GFRA2: variants seen among roughly 807,000 people sequenced by gnomAD.
GFRA2 encodes the protein GDNF family receptor alpha-2.
GFRA2 carries 17 observed loss-of-function variants against 48.3 expected under a neutral mutation model. That is an observed-to-expected ratio of 0.35 (90% CI 0.24 to 0.53). The LOEUF is 0.53. GFRA2 is among the 20% of genes least tolerant of loss of function. The probability of loss-of-function intolerance (pLI) is 0.93; values close to 1 mark genes in which losing one functional copy is unlikely to be tolerated. For missense variants in GFRA2, 660 were observed against 637.3 expected (o/e 1.04, Z -0.38); for synonymous variants, 305 against 257.2 (o/e 1.19, Z -1.78).
chr8:21,780,493 G>A (rs1461766105), intron 2 of GFRA2, among the ~76,000 whole-genome samples: 8 of 151,922 alleles, frequency 5.3e-5, no homozygotes, highest in South Asian at 2.1e-4. Context: ...GTCTGTTACC[G>A]CCCTCCTCTC....
intron 3 of GFRA2, among the ~76,000 whole-genome samples, chr8:21,768,301 C>T (rs1806277376): frequency 6.6e-6 from 1 of 152,240 alleles, no homozygotes; most frequent in Non-Finnish European, 1.5e-5. Flanking sequence ...AAATAACATG[C>T]TTCTGCATTC....
chr8:21,730,211 C>G (rs1056867813), intron 4 of GFRA2, among the ~76,000 whole-genome samples: 3 of 152,086 alleles, frequency 2.0e-5, no homozygotes, highest in African/African-American at 7.2e-5. Context: ...TTGAGGCCAG[C>G]CTGGGCAACA....
intron 4 of GFRA2, among the ~76,000 whole-genome samples, chr8:21,749,611 G>A (rs1190077432): frequency 1.3e-5 from 2 of 152,008 alleles, no homozygotes; most frequent in East Asian, 1.9e-4. Context: ...TGATAGCCAC[G>A]TGACCTACGT....
intron 1 of GFRA2, among the ~76,000 whole-genome samples, chr8:21,784,846 C>T (rs1477548798): frequency 1.3e-5 from 2 of 152,200 alleles, no homozygotes; most frequent in African/African-American, 4.8e-5. Flanking sequence ...CAAGCTGAGG[C>T]AGCGTCTTTC....
chr8:21,700,253 A>G (rs1447807786), intron 7 of GFRA2, among the ~76,000 whole-genome samples: 1 of 79,590 alleles, frequency 1.3e-5, no homozygotes, highest in Admixed American at 1.1e-4. Flanking sequence ...TATATATTTA[A>G]TATACCAGAA....
At position 21,784,356 on chromosome 8, in the gene GFRA2, T is replaced by C. The variant is rs1426262963; in HGVS notation, c.41-1457A>G. 20 of 455,846 alleles carry C rather than the reference T, an allele frequency of 4.4e-5. No individual in the cohort carries two copies. The Middle Eastern group carries it at 1.3e-3, about 29-fold the overall frequency. The allele number at this position is 455,846 out of a possible 1,614,324, so 28.2% of individuals were successfully genotyped here. ...GCCCTTTCCTGGACCGAAAGAGTAA[T>C]TTGGGAGGCTTCCTCGACTCCATCT... On this transcript the variant is annotated intron_variant, in intron 1 of 8. Coordinates refer to ENST00000524240, the MANE Select transcript of GFRA2 (RefSeq NM_001495.5).
chr8:21,746,999 C>T (rs1177296654), intron 4 of GFRA2, among the ~76,000 whole-genome samples: 1 of 152,128 alleles, frequency 6.6e-6, no homozygotes, highest in Admixed American at 6.5e-5. Context: ...CCCAGCCACT[C>T]CTCTACCTGA....
chr8:21,708,663 A>G (rs1802867742), intron 4 of GFRA2, among the ~76,000 whole-genome samples: 1 of 152,130 alleles, frequency 6.6e-6, no homozygotes, highest in South Asian at 2.1e-4. Context: ...ATCAGAAGAG[A>G]AGAGATAGGC....
chr8:21,702,981 G>C lies in GFRA2; in HGVS notation c.1046-4C>G. 6.6e-7 allele frequency: 1 copy of C among 1,507,586 alleles called. No homozygotes were observed. The highest frequency in any genetic ancestry group is 8.8e-7 in the Non-Finnish European group (1 of 1,133,350). 93.4% of individuals were successfully genotyped at this position (1,507,586 alleles called of 1,614,324 possible). A position where few individuals can be genotyped will look rare whatever the true frequency, so the allele number is the denominator to read the frequency against. ...CCAAAGGCCTGGATGGCGTTCCCTG[G>C]GATGGGGGTGAGGGCAGATGCAGAG... On this transcript the variant is annotated splice_region_variant and splice_polypyrimidine_tract_variant and intron_variant, in intron 6 of 8. Coordinates refer to ENST00000524240, the MANE Select transcript of GFRA2 (RefSeq NM_001495.5).
At chr8:21,694,622 A>T in intron 7 of GFRA2, 105 bp from the exon 8 acceptor site, 1 of 1,016,314 alleles carries the variant, frequency 9.8e-7, no homozygotes, top group Non-Finnish European at 1.5e-6. Context: ...TGGCTCCGCT[A>T]AGCACAGCCA....
chr8:21,801,432 C>A (rs990277724), intron 2 of GFRA2, among the ~76,000 whole-genome samples: 26 of 152,266 alleles, frequency 1.7e-4, no homozygotes, highest in African/African-American at 6.3e-4. Flanking sequence ...GTCAACACAG[C>A]CCTGCTGCTG....
upstream of GFRA2, among the ~76,000 whole-genome samples, chr8:21,792,762 G>C (rs1807597763): frequency 1.3e-5 from 2 of 152,204 alleles, no homozygotes; most frequent in African/African-American, 2.4e-5. Context: ...CAAGAGCACA[G>C]TGATTAGAAA....
At chr8:21,740,093 C>T (rs1175577592) in intron 4 of GFRA2, among the ~76,000 whole-genome samples, 1 of 152,132 alleles carries the variant, frequency 6.6e-6, no homozygotes, top group African/African-American at 2.4e-5. Context: ...GTGGTGTGCT[C>T]CCCACACTAG....
chr8:21,780,085 C>G (rs1259089353), intron 2 of GFRA2, among the ~76,000 whole-genome samples: 1 of 149,602 alleles, frequency 6.7e-6, no homozygotes, highest in South Asian at 2.1e-4. Flanking sequence ...ATCCTTTGTT[C>G]TCTCCTCTTT....
chr8:21,739,712 A>C (rs1804657073), intron 4 of GFRA2, among the ~76,000 whole-genome samples: 1 of 151,762 alleles, frequency 6.6e-6, no homozygotes, highest in South Asian at 2.1e-4. Context: ...TGCCACGGGA[A>C]AGGCCACATC....
At chr8:21,805,718 G>A (rs1249548364) in intron 1 of GFRA2, among the ~76,000 whole-genome samples, 1 of 152,076 alleles carries the variant, frequency 6.6e-6, no homozygotes, top group East Asian at 1.9e-4. Flanking sequence ...CCACTAAACT[G>A]CAGCTGCCAC....
chr8:21,789,591 T>TC (rs1385361193), upstream of GFRA2, among the ~76,000 whole-genome samples: 2 of 151,998 alleles, frequency 1.3e-5, no homozygotes, highest in African/African-American at 2.4e-5. Flanking sequence ...AAAGGAATTA[T>TC]CCCCTTCGGC....
At chr8:21,786,645 G>C (rs1188860413) in intron 1 of GFRA2, among the ~76,000 whole-genome samples, 1 of 152,134 alleles carries the variant, frequency 6.6e-6, no homozygotes, top group African/African-American at 2.4e-5. Flanking sequence ...GCCTCTGGCT[G>C]AGGGAGGTAG....
At chr8:21,756,076 A>G (rs1017923268) in intron 3 of GFRA2, among the ~76,000 whole-genome samples, 1 of 152,188 alleles carries the variant, frequency 6.6e-6, no homozygotes, top group Non-Finnish European at 1.5e-5. Context: ...GAGGGACCCC[A>G]GAGAGGAGGT....
Sources: gnomAD v4.1 joint callset for allele counts (sites outside exome capture counted in the v4.1 genomes callset) on GRCh38, gnomAD v4.1.1 for gene constraint, MANE v1.5 for transcripts, NCBI Gene and HGNC (gene_info 2026-07-23, HGNC 2026-07-21) for gene names.